Variants in USP32 observed in about 807,000 individuals in gnomAD.
The protein encoded by USP32 is ubiquitin specific peptidase 32.
USP32 carries 59 observed loss-of-function variants against 204.8 expected under a neutral mutation model. The observed-to-expected ratio is 0.29, with a 90% confidence interval of 0.23 to 0.36. The LOEUF (loss-of-function observed/expected upper bound fraction) is 0.36. Ranked by LOEUF, USP32 falls within the 10% of genes least tolerant of loss-of-function variation. USP32 has a pLI of 1.00. For missense variants in USP32, 1,160 were observed against 1,946.4 expected, an observed-to-expected ratio of 0.60 and a Z score of 7.60; for synonymous variants, 517 against 678.4, an observed-to-expected ratio of 0.76 and a Z score of 3.70.
intron 26 of USP32, among the ~76,000 whole-genome samples, chr17:60,202,443 TCACACACA>T (rs377613629): frequency 1.7e-4 from 24 of 140,652 alleles, no homozygotes; most frequent in African/African-American, 5.2e-4. Flanking sequence ...GCTTATCAAA[TCACACACA>T]CACACACACA....
At chr17:60,245,620 A>T in intron 11 of USP32, 1 of 315,572 alleles carries the variant, frequency 3.2e-6, no homozygotes, top group Non-Finnish European at 6.1e-6. Flanking sequence ...ATGATCTTGG[A>T]CTTCACAAGG....
chr17:60,356,328 T>C (rs1046854942), intron 1 of USP32, among the ~76,000 whole-genome samples: 2 of 152,154 alleles, frequency 1.3e-5, no homozygotes, highest in Non-Finnish European at 2.9e-5. Flanking sequence ...CTCTGACATA[T>C]TCCTGGAAAT....
intron 2 of USP32, among the ~76,000 whole-genome samples, chr17:60,334,063 G>A (rs535141271): frequency 6.6e-6 from 1 of 152,244 alleles, no homozygotes; most frequent in Admixed American, 6.5e-5. Flanking sequence ...ACTGTAATAT[G>A]CCATTTACTG....
rs1287443438 is a variant in USP32, at chr17:60,185,599, G to C, written c.3695C>G (p.Pro1232Arg). ...ACGGAGACAGCTGTCCAGGTTGATG[G>C]GCTCGGCTTGCGCTCGCCGACTCTG... ...VEQSRRAQAE[P>R]INLDSCLRAF... The change falls in exon 30 of 34, where the codon CCC becomes CGC. Residue 1232 changes from proline to arginine, a missense_variant. Physicochemically the swap from Pro to Arg is moderately radical, Grantham distance 103 (BLOSUM62 -2). This residue lies in a region of USP32 where 160 missense variants were observed against 322.5 expected (regional missense o/e 0.50). Coordinates refer to ENST00000300896, the MANE Select transcript of USP32 (RefSeq NM_032582.4). The C allele has an allele frequency of 1.2e-6, 2 of 1,611,874 alleles. No homozygotes were observed. The highest frequency in any genetic ancestry group is 1.1e-5 in the South Asian group (1 of 90,974).
At chr17:60,321,187 A>G (rs1425606001) in intron 2 of USP32, among the ~76,000 whole-genome samples, 1 of 152,216 alleles carries the variant, frequency 6.6e-6, no homozygotes, top group Non-Finnish European at 1.5e-5. Flanking sequence ...ATATGAATGG[A>G]TATAAGCCTA....
At chr17:60,384,497 G>A (rs1567889046) in intron 1 of USP32, among the ~76,000 whole-genome samples, 1 of 152,188 alleles carries the variant, frequency 6.6e-6, no homozygotes, top group South Asian at 2.1e-4. Context: ...AGATAGTGAT[G>A]AGCGCCGCCC....
At chr17:60,352,705 A>C (rs1465293134) in intron 1 of USP32, among the ~76,000 whole-genome samples, 1 of 152,200 alleles carries the variant, frequency 6.6e-6, no homozygotes, top group African/African-American at 2.4e-5. Context: ...AGACCAGTTG[A>C]GCGGTTACTG....
At chr17:60,299,372 C>T (rs1309549796) in intron 3 of USP32, among the ~76,000 whole-genome samples, 1 of 152,196 alleles carries the variant, frequency 6.6e-6, no homozygotes, top group African/African-American at 2.4e-5. Context: ...AAGGCACCTG[C>T]ATCCGGCAAA....
intron 1 of USP32, among the ~76,000 whole-genome samples, chr17:60,365,966 C>T (rs2089303172): frequency 6.6e-6 from 1 of 152,014 alleles, no homozygotes; most frequent in Non-Finnish European, 1.5e-5. Flanking sequence ...GGTCTCGCTC[C>T]CTTTTTCTTG....
At chr17:60,418,707 A>G (rs2090082184) in intron 1 of USP32, among the ~76,000 whole-genome samples, 1 of 152,212 alleles carries the variant, frequency 6.6e-6, no homozygotes, top group Non-Finnish European at 1.5e-5. Context: ...ATCAAAGGAC[A>G]TGAACAGACA....
In USP32 at chr17:60,387,889, T is replaced by A. The variant is rs943538985; in HGVS notation, c.58+3993A>T. 1.3e-4 allele frequency among the ~76,000 whole-genome samples: 20 copies of A among 152,304 alleles called. No individual in the cohort carries two copies. In the East Asian group the frequency reaches 1.7e-3, roughly 13 times the overall value. ...GAAATATTAATACTATGGTTATTAA[T>A]ACTAAATATTAATACTTTACTGAAA... On this transcript the variant is annotated intron_variant, in intron 1 of 33. Coordinates refer to ENST00000300896, the MANE Select transcript of USP32 (RefSeq NM_032582.4).
At chr17:60,275,298 A>C (rs2145802801) in intron 5 of USP32, among the ~76,000 whole-genome samples, 1 of 152,242 alleles carries the variant, frequency 6.6e-6, no homozygotes, top group South Asian at 2.1e-4. Flanking sequence ...CTCTACTAAA[A>C]ATACAAAAAT....
Position 60,279,185 on chromosome 17 carries a change from G to T in USP32, c.572-7704C>A, listed in dbSNP as rs185181467. ...GTCCTCCTGTACCTTTAGTACAAAC[G>T]GCTTTAAAGATTAACTTGTCATTAA... On this transcript the variant is annotated intron_variant, in intron 5 of 33. Coordinates refer to ENST00000300896, the MANE Select transcript of USP32 (RefSeq NM_032582.4). 2.6e-5 allele frequency among the ~76,000 whole-genome samples: 4 copies of T among 152,188 alleles called. No homozygotes were observed. In the East Asian group the frequency reaches 7.7e-4, roughly 29 times the overall value.
intron 5 of USP32, among the ~76,000 whole-genome samples, chr17:60,283,583 A>C (rs552279526): frequency 1.2e-4 from 18 of 152,328 alleles, no homozygotes; most frequent in Non-Finnish European, 2.4e-4. Context: ...AAGCTTGACA[A>C]GGAAAAGTCA....
At chr17:60,256,335 TGAC>T (rs2086304254) in intron 9 of USP32, among the ~76,000 whole-genome samples, 1 of 152,184 alleles carries the variant, frequency 6.6e-6, no homozygotes. Context: ...CACTAGATTA[TGAC>T]TAACACTGAA....
At chr17:60,208,015 T>C (rs777031215) in intron 24 of USP32, 44 bp downstream of exon 24, 2 of 1,518,822 alleles carry the variant, frequency 1.3e-6, no homozygotes, top group Non-Finnish European at 8.9e-7. Context: ...AAATGTCATC[T>C]TTGGAGGATA....
chr17:60,349,643 T>TAA (rs1491565591), intron 1 of USP32, among the ~76,000 whole-genome samples: 1 of 97,116 alleles, frequency 1.0e-5, no homozygotes, highest in South Asian at 2.8e-4. Flanking sequence ...TATATATATA[T>TAA]TATATATATA....
At chr17:60,216,355 G>A (rs926529636) in intron 16 of USP32, among the ~76,000 whole-genome samples, 1 of 149,754 alleles carries the variant, frequency 6.7e-6, no homozygotes, top group Non-Finnish European at 1.5e-5. Context: ...AGACAAAACT[G>A]TGGCTTAAAA....
intron 27 of USP32, among the ~76,000 whole-genome samples, chr17:60,197,300 T>C (rs2084545708): frequency 6.6e-6 from 1 of 152,142 alleles, no homozygotes; most frequent in African/African-American, 2.4e-5. Flanking sequence ...ATTTGTACCA[T>C]GATGGCAAGA....
Sources: allele counts gnomAD v4.1 joint callset (sites outside exome capture counted in the v4.1 genomes callset), GRCh38; gene constraint gnomAD v4.1.1; regional missense constraint gnomAD v4.1.1; transcripts MANE v1.5; gene names NCBI Gene and HGNC (gene_info 2026-07-23, HGNC 2026-07-21).